The following OSBPL9 variants were observed in gnomAD, a reference collection of about 807,000 sequenced individuals.
OSBPL9 encodes oxysterol-binding protein-related protein 9.
A neutral mutation model predicts 106.6 loss-of-function variants in OSBPL9; 40 were observed. The ratio of observed to expected loss-of-function variants is 0.38; its 90% confidence interval spans 0.29 to 0.49. OSBPL9 has a LOEUF of 0.49. Ranked by LOEUF, OSBPL9 falls within the 20% of genes least tolerant of loss-of-function variation. OSBPL9 has a pLI of 0.97. For synonymous variants in OSBPL9, 269 were observed against 295.4 expected (o/e 0.91, Z 0.92); for missense variants, 609 against 887.2 (o/e 0.69, Z 3.98).
intron 2 of OSBPL9, among the ~76,000 whole-genome samples, chr1:51,660,147 A>T (rs1216060605): frequency 6.6e-6 from 1 of 152,054 alleles, no homozygotes; most frequent in African/African-American, 2.4e-5. Context: ...AAAGAAGATT[A>T]CTCTTTACCC....
At chr1:51,728,770 C>T (rs1200827490) in intron 4 of OSBPL9, among the ~76,000 whole-genome samples, 1 of 152,174 alleles carries the variant, frequency 6.6e-6, no homozygotes, top group Non-Finnish European at 1.5e-5. Context: ...CCGCCTCTCC[C>T]AGCCTCCGCC....
chr1:51,690,002 T>G (rs951897670), intron 3 of OSBPL9, among the ~76,000 whole-genome samples: 5 of 152,196 alleles, frequency 3.3e-5, no homozygotes. Flanking sequence ...GACATTTGAG[T>G]GAATTCTCTA....
chr1:51,721,549 G>T (rs1662127046), intron 4 of OSBPL9, among the ~76,000 whole-genome samples: 1 of 152,166 alleles, frequency 6.6e-6, no homozygotes, highest in Non-Finnish European at 1.5e-5. Flanking sequence ...GTATTGGGAT[G>T]CCTTGATTCT....
chr1:51,742,239 G>A (rs766237612), intron 4 of OSBPL9, among the ~76,000 whole-genome samples: 1 of 152,074 alleles, frequency 6.6e-6, no homozygotes, highest in Non-Finnish European at 1.5e-5. Flanking sequence ...GATAAAATGT[G>A]ATAAATGTTA....
chr1:51,636,512 A>AT (rs914210361), intron 1 of OSBPL9, among the ~76,000 whole-genome samples: 3 of 151,704 alleles, frequency 2.0e-5, no homozygotes, highest in Non-Finnish European at 4.4e-5. Context: ...TCATTTTTGT[A>AT]TTTTTTGTAG....
At chr1:51,562,919 T>C in the OSBPL9 span, among the ~76,000 whole-genome samples, 1 of 152,168 alleles carries the variant, frequency 6.6e-6, no homozygotes. Flanking sequence ...TAAAAATAAG[T>C]GTCCCTTGGC....
chr1:51,562,771 G>A, the OSBPL9 span, among the ~76,000 whole-genome samples: 9 of 152,160 alleles, frequency 5.9e-5, no homozygotes, highest in African/African-American at 1.2e-4. Context: ...AGTTGAGGCC[G>A]TTCTCTTCCT....
chr1:51,622,747 G>C (rs1489168587), intron 1 of OSBPL9, among the ~76,000 whole-genome samples: 3 of 152,222 alleles, frequency 2.0e-5, no homozygotes, highest in Non-Finnish European at 4.4e-5. Context: ...AGAGCAAAGA[G>C]GAAGCCTCAA....
At chr1:51,525,871 T>C in the OSBPL9 span, among the ~76,000 whole-genome samples, 1 of 151,516 alleles carries the variant, frequency 6.6e-6, no homozygotes, top group Non-Finnish European at 1.5e-5. Flanking sequence ...TGCCTCAGCC[T>C]GAATGATTTT....
At chr1:51,555,234 G>C in the OSBPL9 span, among the ~76,000 whole-genome samples, 1 of 152,124 alleles carries the variant, frequency 6.6e-6, no homozygotes, top group Non-Finnish European at 1.5e-5. Flanking sequence ...GCTCACCCCT[G>C]TAATCCCAGA....
intron 8 of OSBPL9, among the ~76,000 whole-genome samples, chr1:51,751,560 C>T (rs1669244072): frequency 6.6e-6 from 1 of 152,118 alleles, no homozygotes; most frequent in African/African-American, 2.4e-5. Flanking sequence ...TTTTTCTTGG[C>T]TCTGGAATTA....
Position 51,781,169 on chromosome 1 carries a change from G to A in OSBPL9, c.1262G>A (p.Ser421Asn), listed in dbSNP as rs771127319. Residue 421 changes from serine (S) to asparagine (N), a missense_variant, in exon 16 of 24, where the codon AGT (serine) becomes AAT (asparagine). Physicochemically the swap from Ser to Asn is conservative, Grantham distance 46. Around this residue, in one of 5 missense-constraint regions of OSBPL9, gnomAD observed 356 missense variants for 505.8 expected, o/e 0.70. Transcript: ENST00000428468. Reference sequence around the variant, plus strand: ...TTTGTCTTTCTCCCTTGCAGCATTAGTGACCAGAAGGATCCCAAGGATCGA... The same window carrying A: ...TTTGTCTTTCTCCCTTGCAGCATTAATGACCAGAAGGATCCCAAGGATCGA... ...FAHPDLFVSISDQKDPKDRMV... is the reference protein window; with the variant it reads ...FAHPDLFVSINDQKDPKDRMV... 2.7e-5 allele frequency: 43 copies of A among 1,613,980 alleles called. No individual in the cohort carries two copies. Among genetic ancestry groups the A allele is most frequent in the Non-Finnish European group, 3.6e-5 (42 of 1,179,936 alleles).
intron 1 of OSBPL9, among the ~76,000 whole-genome samples, chr1:51,579,332 A>G (rs548389077): frequency 6.6e-6 from 1 of 152,332 alleles, no homozygotes; most frequent in Non-Finnish European, 1.5e-5. Flanking sequence ...GTGTATATGT[A>G]TACAAAGATA....
At chr1:51,583,498 T>A (rs1199234419) in intron 1 of OSBPL9, 2 of 152,218 alleles carry the variant, frequency 1.3e-5, no homozygotes, top group Non-Finnish European at 2.9e-5. Flanking sequence ...TGAAGTATCA[T>A]CTGTGTGCTC....
intron 9 of OSBPL9, among the ~76,000 whole-genome samples, chr1:51,757,407 A>G (rs1350979739): frequency 6.6e-6 from 1 of 152,022 alleles, no homozygotes; most frequent in Non-Finnish European, 1.5e-5. Context: ...TGTTAGCCTC[A>G]TAGGAAAGGA....
chr1:51,683,056 T>C (rs1652933080), intron 3 of OSBPL9, among the ~76,000 whole-genome samples: 1 of 152,026 alleles, frequency 6.6e-6, no homozygotes, highest in Non-Finnish European at 1.5e-5. Flanking sequence ...TTTGTATTTT[T>C]AGTAGAGATG....
intron 12 of OSBPL9, among the ~76,000 whole-genome samples, chr1:51,767,507 T>G (rs182079731): frequency 6.6e-6 from 1 of 152,352 alleles, no homozygotes; most frequent in East Asian, 1.9e-4. Context: ...TTCTGCTTTC[T>G]CAGGGGACTG....
intron 17 of OSBPL9, among the ~76,000 whole-genome samples, chr1:51,783,011 C>T (rs71653012): frequency 2.0e-5 from 3 of 152,174 alleles, no homozygotes; most frequent in African/African-American, 4.8e-5. Flanking sequence ...ATACCAAAAC[C>T]GAGGATGCTG....
chr1:51,761,061 A>T (rs185535361), intron 10 of OSBPL9, among the ~76,000 whole-genome samples: 2 of 152,326 alleles, frequency 1.3e-5, no homozygotes, highest in African/African-American at 4.8e-5. Context: ...GGATTCTATG[A>T]CTCAGAATTC....
Sources: allele counts gnomAD v4.1 joint callset (sites outside exome capture counted in the v4.1 genomes callset), GRCh38; gene constraint gnomAD v4.1.1; regional missense constraint gnomAD v4.1.1; transcripts MANE v1.5; gene names NCBI Gene and HGNC (gene_info 2026-07-23, HGNC 2026-07-21).